The following SH3KBP1 variants were observed in gnomAD, a reference collection of about 807,000 sequenced individuals.
SH3KBP1 encodes the protein SH3 domain containing kinase binding protein 1.
A neutral mutation model predicts 50.1 loss-of-function variants in SH3KBP1; 8 were observed. The observed-to-expected ratio is 0.16, with a 90% CI of 0.09 to 0.29. The LOEUF (loss-of-function observed/expected upper bound fraction) is 0.29, where lower values mean the gene tolerates loss of function less well. Among genes scored for constraint, SH3KBP1 ranks in the 10% least tolerant of loss-of-function variants. The pLI, the probability that SH3KBP1 is intolerant of heterozygous loss-of-function variation, is 1.00. For synonymous variants in SH3KBP1, 227 were observed against 218.6 expected, an observed-to-expected ratio of 1.04 and a Z score of -0.34; for missense variants, 377 against 535.2, an observed-to-expected ratio of 0.70 and a Z score of 2.92.
intron 1 of SH3KBP1, among the ~76,000 whole-genome samples, chrX:19,859,152 A>ATT (rs200300452): frequency 4.9e-5 from 5 of 102,582 alleles, no homozygotes; most frequent in African/African-American, 1.1e-4. Context: ...TGAAATTACT[A>ATT]TTTTTTTTTT....
chrX:19,556,930 C>T, intron 13 of SH3KBP1, among the ~76,000 whole-genome samples: 1 of 111,719 alleles, frequency 9.0e-6, no homozygotes, highest in Non-Finnish European at 1.9e-5. Context: ...CCTCAGCTTC[C>T]CAAAGTGCTA....
intron 3 of SH3KBP1, among the ~76,000 whole-genome samples, chrX:19,729,862 G>C (rs919331251): frequency 1.4e-4 from 16 of 111,914 alleles, no homozygotes; most frequent in African/African-American, 5.2e-4. Context: ...AAGAGCTACA[G>C]GGCCAAAGCT....
chrX:19,539,045 T>C (rs909503644), intron 16 of SH3KBP1, among the ~76,000 whole-genome samples: 32 of 112,234 alleles, frequency 2.9e-4, no homozygotes, highest in African/African-American at 1.0e-3. Context: ...CTGGCATGAC[T>C]TAGGATCCAC....
chrX:19,685,494 G>A (rs749853164), intron 5 of SH3KBP1, among the ~76,000 whole-genome samples: 9 of 111,454 alleles, frequency 8.1e-5, no homozygotes, highest in Non-Finnish European at 1.7e-4. Context: ...CTGAAAACCA[G>A]CATTTGTGAG....
rs767993988 is a variant in SH3KBP1 at position 19,746,457 on chromosome X, A to C, written c.163-16T>G. On this transcript the variant is annotated splice_polypyrimidine_tract_variant and intron_variant, in intron 2 of 17. Coordinates refer to ENST00000397821, the MANE Select transcript of SH3KBP1 (RefSeq NM_031892.3). ...TCTTTATTTCCTGTGAGGACAGATA[A>C]AAGGAAAACAAGATTATAGTTTGAA... is the stretch of plus-strand genomic sequence containing the variant. 4 of 1,187,015 alleles carry C rather than the reference A, an allele frequency of 3.4e-6. No homozygotes were observed. Among genetic ancestry groups the C allele is most frequent in the Non-Finnish European group, 4.5e-6 (4 of 882,893 alleles).
chrX:19,760,529 T>C (rs1450317216), intron 2 of SH3KBP1, among the ~76,000 whole-genome samples: 2 of 108,799 alleles, frequency 1.8e-5, no homozygotes, highest in African/African-American at 6.7e-5. Context: ...CACCGAGAAT[T>C]GGACTCACCC....
intron 13 of SH3KBP1, among the ~76,000 whole-genome samples, chrX:19,551,643 CAG>C (rs1342438313): frequency 2.8e-5 from 3 of 106,428 alleles, no homozygotes; most frequent in Non-Finnish European, 5.8e-5. Flanking sequence ...CTCCTGGACT[CAG>C]GTGATTCTTC....
chrX:19,848,021 C>A (rs1378741895), intron 1 of SH3KBP1, among the ~76,000 whole-genome samples: 1 of 111,479 alleles, frequency 9.0e-6, no homozygotes, highest in African/African-American at 3.3e-5. Context: ...AAACCTTTCC[C>A]AAAATTGAAA....
chrX:19,597,818 C>A (rs754212682), intron 9 of SH3KBP1, among the ~76,000 whole-genome samples: 1 of 112,692 alleles, frequency 8.9e-6, no homozygotes, highest in East Asian at 2.8e-4. Flanking sequence ...GAGAGTCAGC[C>A]TGCCCTTTGA....
At chrX:19,824,741 CTCAG>C (rs1375292083) in intron 2 of SH3KBP1, among the ~76,000 whole-genome samples, 1 of 111,631 alleles carries the variant, frequency 9.0e-6, no homozygotes, top group Non-Finnish European at 1.9e-5. Context: ...CCACGATCAA[CTCAG>C]TCAGGCGATT....
Position 19,575,530 on chromosome X carries a change from C to T in SH3KBP1, c.1299-6342G>A, listed in dbSNP as rs182939735. On this transcript the variant is annotated intron_variant, in intron 12 of 17. Transcript: ENST00000397821. ...GATAGGAAGGAGAGTGGGATCTCTC[C>T]AGTCTCTCCAACTGAGCCCTGATCC... Among the ~76,000 whole-genome samples the T allele has an allele frequency of 1.2e-3, 133 of 111,584 alleles. 1 individual carries two copies. The highest frequency in any genetic ancestry group is 2.0e-3 in the Non-Finnish European group (104 of 53,128).
At chrX:19,762,845 A>C (rs2065474191) in intron 2 of SH3KBP1, among the ~76,000 whole-genome samples, 1 of 111,761 alleles carries the variant, frequency 8.9e-6, no homozygotes, top group Non-Finnish European at 1.9e-5. Context: ...GGCACAGCAA[A>C]CTTTGGCTGT....
chrX:19,762,420 G>C (rs188611019), intron 2 of SH3KBP1, among the ~76,000 whole-genome samples: 1 of 110,192 alleles, frequency 9.1e-6, no homozygotes, highest in African/African-American at 3.3e-5. Context: ...GAGGTATTTT[G>C]CAGACCCTCT....
chrX:19,718,695 G>T (rs2063977557), intron 3 of SH3KBP1, among the ~76,000 whole-genome samples: 1 of 111,908 alleles, frequency 8.9e-6, no homozygotes, highest in African/African-American at 3.2e-5. Flanking sequence ...AATTCAATCA[G>T]CAAGAAAGGT....
intron 12 of SH3KBP1, among the ~76,000 whole-genome samples, chrX:19,587,369 G>A (rs2066605071): frequency 9.0e-6 from 1 of 111,011 alleles, no homozygotes; most frequent in Non-Finnish European, 1.9e-5. Flanking sequence ...TTTAAAGGGT[G>A]CAGAATTTCA....
chrX:19,583,534 CT>C (rs1266609513), intron 12 of SH3KBP1, among the ~76,000 whole-genome samples: 1 of 110,766 alleles, frequency 9.0e-6, no homozygotes, highest in Non-Finnish European at 1.9e-5. Flanking sequence ...CATGAACTTA[CT>C]TTCTAGAAGT....
intron 2 of SH3KBP1, among the ~76,000 whole-genome samples, chrX:19,749,592 G>A (rs1376806587): frequency 1.8e-5 from 2 of 112,803 alleles, no homozygotes; most frequent in Non-Finnish European, 3.7e-5. Flanking sequence ...GTCCACCTAT[G>A]TGAAATATCT....
rs886304126 is a variant in SH3KBP1 at position 19,786,147 on chromosome X, T to A, written c.163-39706A>T. On this transcript the variant is annotated intron_variant, in intron 2 of 17. Transcript: ENST00000397821. ...AATGAGTTTAATGTGATGAGCCAAA[T>A]TCCATTAAAGACAGCTTTTCCCACC... Among the ~76,000 whole-genome samples the A allele has an allele frequency of 5.4e-5, 6 of 111,860 alleles. No homozygotes were observed. In the East Asian group the frequency reaches 1.7e-3, roughly 31 times the overall value.
chrX:19,791,871 T>G (rs763424495), intron 2 of SH3KBP1, among the ~76,000 whole-genome samples: 2 of 111,891 alleles, frequency 1.8e-5, no homozygotes, highest in East Asian at 5.5e-4. Context: ...CACCCCATTC[T>G]GCAAGTCTAG....
Sources: gnomAD v4.1 joint callset for allele counts (sites outside exome capture counted in the v4.1 genomes callset) on GRCh38, gnomAD v4.1.1 for gene constraint, MANE v1.5 for transcripts, NCBI Gene and HGNC (gene_info 2026-07-23, HGNC 2026-07-21) for gene names.